The following COP1 variants were observed in gnomAD, a reference collection of about 807,000 sequenced individuals.
COP1 encodes E3 ubiquitin-protein ligase COP1.
A neutral mutation model predicts 101.3 loss-of-function variants in COP1; 24 were observed. The observed-to-expected ratio is 0.24, with a 90% CI of 0.17 to 0.33. COP1 has a LOEUF of 0.33. Among genes scored for constraint, COP1 ranks in the 10% least tolerant of loss-of-function variants. COP1 has a pLI of 1.00. For synonymous variants in COP1, 347 were observed against 341.9 expected (o/e 1.01, Z -0.17); for missense variants, 663 against 906.2 (o/e 0.73, Z 3.45).
At chr1:176,089,997 T>C (rs1680979544) in intron 9 of COP1, among the ~76,000 whole-genome samples, 1 of 152,164 alleles carries the variant, frequency 6.6e-6, no homozygotes, top group South Asian at 2.1e-4. Flanking sequence ...CCAGCCTAAT[T>C]AGGAAACATT....
intron 15 of COP1, among the ~76,000 whole-genome samples, chr1:176,025,195 C>A (rs1667455144): frequency 6.6e-6 from 1 of 151,964 alleles, no homozygotes; most frequent in Admixed American, 6.6e-5. Flanking sequence ...AGTAGATATT[C>A]TAAACAGCAG....
chr1:175,962,829 T>A (rs1311651965), intron 18 of COP1, among the ~76,000 whole-genome samples: 1 of 152,160 alleles, frequency 6.6e-6, no homozygotes, highest in East Asian at 1.9e-4. Flanking sequence ...AATTCACATG[T>A]GTTAAGTTAA....
intron 9 of COP1, among the ~76,000 whole-genome samples, chr1:176,115,333 C>T (rs1409598075): frequency 6.6e-6 from 1 of 152,100 alleles, no homozygotes; most frequent in East Asian, 1.9e-4. Context: ...GCTTGTAGTC[C>T]CAGCCACTCG....
At chr1:176,061,718 C>T (rs747749658) in intron 11 of COP1, among the ~76,000 whole-genome samples, 2 of 152,082 alleles carry the variant, frequency 1.3e-5, no homozygotes, top group Non-Finnish European at 2.9e-5. Context: ...GATTATAAGC[C>T]TGTAAGTAAA....
rs140016905 is a variant in COP1 at position 176,105,465 on chromosome 1, T to C, written c.1026+11159A>G. Among the ~76,000 whole-genome samples, 10 of 152,292 alleles carry C rather than the reference T, an allele frequency of 6.6e-5. No individual in the cohort carries two copies. The East Asian group carries it at 1.2e-3, about 18-fold the overall frequency. ...TTTCAAAGAAATATCTCTAGTTACA[T>C]TGGTTTTCTCAGCAATTTTCATGCT... is the stretch of plus-strand genomic sequence containing the variant. On this transcript the variant is annotated intron_variant, in intron 9 of 19. Coordinates refer to ENST00000367669, the MANE Select transcript of COP1 (RefSeq NM_022457.7).
Position 175,956,504 on chromosome 1 carries a change from A to C in COP1, c.2134-9265T>G, listed in dbSNP as rs566293790. On this transcript the variant is annotated intron_variant, in intron 18 of 19. Coordinates refer to ENST00000367669, the MANE Select transcript of COP1 (RefSeq NM_022457.7). ...ACATGTACAATAAAGGAAAAAAAAA[A>C]CCCTGATAAATTGGACTTCATCAAA... Among the ~76,000 whole-genome samples, 18 of 152,216 alleles carry C rather than the reference A, an allele frequency of 1.2e-4. No homozygotes were observed. In the East Asian group the frequency reaches 2.9e-3, roughly 24 times the overall value.
chr1:175,998,025 C>T (rs939689228), intron 15 of COP1, among the ~76,000 whole-genome samples: 18 of 138,708 alleles, frequency 1.3e-4, no homozygotes, highest in Non-Finnish European at 2.4e-4. Flanking sequence ...AACTAACCTG[C>T]ACAATGTGCA....
chr1:176,022,415 C>A (rs1025337271), intron 15 of COP1, among the ~76,000 whole-genome samples: 16 of 152,050 alleles, frequency 1.1e-4, no homozygotes, highest in Non-Finnish European at 2.2e-4. Context: ...ACAGCCCATT[C>A]CTAATGTCAG....
chr1:176,199,735 G>T (rs1237052110), intron 1 of COP1, among the ~76,000 whole-genome samples: 1 of 152,196 alleles, frequency 6.6e-6, no homozygotes, highest in Non-Finnish European at 1.5e-5. Flanking sequence ...TGACAGCAAT[G>T]CAAAGCAGAT....
intron 1 of COP1, among the ~76,000 whole-genome samples, chr1:176,186,032 T>C (rs1698398669): frequency 6.6e-6 from 1 of 152,016 alleles, no homozygotes; most frequent in South Asian, 2.1e-4. Flanking sequence ...ATACAATATA[T>C]ACAATAATGA....
rs1282666426 is a variant in COP1, at chr1:176,207,015, G to C, written c.-37C>G. ...CCCCTCCAGCCGGGCGCTCGGAGGA[G>C]AGGGACCGCGACCTCGACCCTCCGC... On this transcript the variant is annotated 5_prime_UTR_variant, in exon 1 of 20. Transcript: ENST00000367669. 2.9e-6 allele frequency: 4 copies of C among 1,360,466 alleles called. No homozygotes were observed. Among genetic ancestry groups the C allele is most frequent in the South Asian group, 1.7e-5 (1 of 60,214 alleles). The allele number at this position is 1,360,466 out of a possible 1,614,324, so 84.3% of individuals were successfully genotyped here.
chr1:176,127,207 A>G (rs1688142732), intron 8 of COP1, among the ~76,000 whole-genome samples: 1 of 152,174 alleles, frequency 6.6e-6, no homozygotes, highest in African/African-American at 2.4e-5. Context: ...TTCTTCTGAG[A>G]ACATTTAAAA....
At position 176,163,006 on chromosome 1, in the gene COP1, A is replaced by C; in HGVS notation, c.643-18T>G. ...TGGCCATTCTAAAAATGAAGAAAGA[A>C]GAAACACAACAACTTCCTATGAAGA... On this transcript the variant is annotated intron_variant, in intron 4 of 19. Coordinates refer to ENST00000367669, the MANE Select transcript of COP1 (RefSeq NM_022457.7). 6.3e-7 allele frequency: 1 copy of C among 1,590,118 alleles called. No homozygotes were observed. The highest frequency in any genetic ancestry group is 8.5e-7 in the Non-Finnish European group (1 of 1,171,274).
intron 15 of COP1, among the ~76,000 whole-genome samples, chr1:176,007,301 A>C (rs923910597): frequency 1.5e-4 from 23 of 152,116 alleles, no homozygotes; most frequent in African/African-American, 5.3e-4. Context: ...GTCCTCCCGT[A>C]GCTCAGAGTA....
chr1:176,134,446 C>T (rs535219339), intron 8 of COP1, among the ~76,000 whole-genome samples: 1 of 152,058 alleles, frequency 6.6e-6, no homozygotes, highest in African/African-American at 2.4e-5. Context: ...TAAATGAAAC[C>T]AGGCTTTATT....
At chr1:176,035,265 T>TAA (rs200366580) in intron 14 of COP1, among the ~76,000 whole-genome samples, 1 of 151,190 alleles carries the variant, frequency 6.6e-6, no homozygotes, top group Non-Finnish European at 1.5e-5. Flanking sequence ...ATTTTTTTTT[T>TAA]AAAAAGAATC....
chr1:175,950,613 A>G (rs1056993818), intron 18 of COP1, among the ~76,000 whole-genome samples: 1 of 152,156 alleles, frequency 6.6e-6, no homozygotes, highest in Non-Finnish European at 1.5e-5. Flanking sequence ...TACTTGCTAA[A>G]TAAAATAAAA....
At chr1:176,168,126 C>T (rs989129419) in intron 3 of COP1, among the ~76,000 whole-genome samples, 3 of 151,450 alleles carry the variant, frequency 2.0e-5, no homozygotes, top group Admixed American at 6.6e-5. Flanking sequence ...GGTGCGATCT[C>T]GGCTCACCGC....
At chr1:176,077,351 G>A (rs1678238493) in intron 11 of COP1, among the ~76,000 whole-genome samples, 1 of 151,902 alleles carries the variant, frequency 6.6e-6, no homozygotes, top group South Asian at 2.1e-4. Flanking sequence ...TTCAAAATAT[G>A]CAAATCAATA....
Sources: allele counts gnomAD v4.1 joint callset (sites outside exome capture counted in the v4.1 genomes callset), GRCh38; gene constraint gnomAD v4.1.1; transcripts MANE v1.5; gene names NCBI Gene and HGNC (gene_info 2026-07-23, HGNC 2026-07-21).